MITF: variants seen among roughly 807,000 people sequenced by gnomAD.
The protein encoded by MITF is microphthalmia-associated transcription factor.
MITF carries 17 observed loss-of-function variants against 60.5 expected under a neutral mutation model. That is an observed-to-expected ratio of 0.28 (90% CI 0.19 to 0.42). The LOEUF is 0.42. MITF is among the 10% of genes least tolerant of loss of function. The probability of loss-of-function intolerance (pLI) is 1.00; values close to 1 mark genes in which losing one functional copy is unlikely to be tolerated. For missense variants in MITF, 622 were observed against 683.5 expected, an observed-to-expected ratio of 0.91 and a Z score of 1.00; for synonymous variants, 260 against 248.5, an observed-to-expected ratio of 1.05 and a Z score of -0.43.
At chr3:69,758,103 T>A (rs1229280080) in intron 1 of MITF, among the ~76,000 whole-genome samples, 4 of 142,928 alleles carry the variant, frequency 2.8e-5, no homozygotes, top group Non-Finnish European at 4.5e-5. Flanking sequence ...TATATATATA[T>A]AAATATATCA....
intron 1 of MITF, among the ~76,000 whole-genome samples, chr3:69,878,747 A>C: frequency 6.6e-6 from 1 of 152,206 alleles, no homozygotes; most frequent in Non-Finnish European, 1.5e-5. Flanking sequence ...TCAGTTATAC[A>C]AAAAAGCAAA....
intron 2 of MITF, among the ~76,000 whole-genome samples, chr3:69,918,552 C>T (rs975886270): frequency 5.3e-5 from 8 of 152,124 alleles, no homozygotes; most frequent in Non-Finnish European, 4.4e-5. Flanking sequence ...AATGAAGCCA[C>T]GATGCATCCT....
chr3:69,928,242 T>C (rs1448432411), intron 2 of MITF, among the ~76,000 whole-genome samples: 1 of 152,252 alleles, frequency 6.6e-6, no homozygotes, highest in Non-Finnish European at 1.5e-5. Flanking sequence ...CATTGCTGCA[T>C]GGGCAACATG....
intron 1 of MITF, among the ~76,000 whole-genome samples, chr3:69,827,111 C>A (rs1473119334): frequency 6.6e-6 from 1 of 152,180 alleles, no homozygotes; most frequent in South Asian, 2.1e-4. Context: ...TGCTCTTTGA[C>A]AGCCTCTCAC....
chr3:69,864,515 A>G (rs1422590762), intron 1 of MITF, among the ~76,000 whole-genome samples: 1 of 152,184 alleles, frequency 6.6e-6, no homozygotes. Context: ...CCCATGAGCT[A>G]CCATCACCTC....
At chr3:69,743,912 A>G (rs542298842) in intron 1 of MITF, among the ~76,000 whole-genome samples, 1 of 152,340 alleles carries the variant, frequency 6.6e-6, no homozygotes, top group Non-Finnish European at 1.5e-5. Context: ...CTCAGTCCAC[A>G]TGGCTTTGTA....
rs1369883075 is a variant in MITF, at chr3:69,739,583, CG to C, written c.-12del. The C allele has an allele frequency of 6.4e-7, 1 of 1,559,488 alleles. No homozygotes were observed. On this transcript the variant is annotated 5_prime_UTR_variant, in exon 1 of 10. Coordinates refer to ENST00000352241, the MANE Select transcript of MITF (RefSeq NM_001354604.2). ...TTCTCACTTTCCAGCAGTGGAAGGA[CG>C]GGAAGCGGGAGCCATGCAGTCCGAA...
At chr3:69,953,678 GAGAGAGAGAGAC>G (rs1260145870) in intron 7 of MITF, among the ~76,000 whole-genome samples, 5 of 147,388 alleles carry the variant, frequency 3.4e-5, no homozygotes, top group Non-Finnish European at 7.5e-5. Context: ...GAGAGAGAGA[GAGAGAGAGAGAC>G]AGAGACAGAG....
At chr3:69,744,345 AT>A (rs372155531) in intron 1 of MITF, among the ~76,000 whole-genome samples, 2 of 120,944 alleles carry the variant, frequency 1.7e-5, no homozygotes, top group African/African-American at 2.9e-5. Flanking sequence ...AGTTTTCTTG[AT>A]TTTTTTTTTG....
At chr3:69,832,011 C>G (rs1427057088) in intron 1 of MITF, among the ~76,000 whole-genome samples, 1 of 152,190 alleles carries the variant, frequency 6.6e-6, no homozygotes, top group Non-Finnish European at 1.5e-5. Context: ...CTTCCATCCA[C>G]AATGCTCAGA....
At chr3:69,819,091 G>A (rs1559649920) in intron 1 of MITF, among the ~76,000 whole-genome samples, 1 of 152,164 alleles carries the variant, frequency 6.6e-6, no homozygotes, top group Admixed American at 6.5e-5. Context: ...AACTATAGTT[G>A]TTGAGTTGAA....
At position 69,779,223 on chromosome 3, in the gene MITF, C is replaced by T. The variant is rs530351084; in HGVS notation, c.104+39522C>T. Among the ~76,000 whole-genome samples, 6 of 152,230 alleles carry T rather than the reference C, an allele frequency of 3.9e-5. No homozygotes were observed. The South Asian group carries it at 1.0e-3, about 26-fold the overall frequency. ...GAAAGAGACATCTCAAGGTGTACCC[C>T]GATGCTGTGTGATTTTCTTTAACTT... On this transcript the variant is annotated intron_variant, in intron 1 of 9. Transcript: ENST00000352241.
chr3:69,913,685 G>T (rs1215137022), intron 2 of MITF, among the ~76,000 whole-genome samples: 1 of 152,146 alleles, frequency 6.6e-6, no homozygotes, highest in Non-Finnish European at 1.5e-5. Flanking sequence ...GACAGGAAGG[G>T]AGAGCCAGGT....
intron 2 of MITF, among the ~76,000 whole-genome samples, chr3:69,930,083 G>T (rs887736418): frequency 6.6e-6 from 1 of 152,116 alleles, no homozygotes; most frequent in Non-Finnish European, 1.5e-5. Context: ...AGAAGACCGT[G>T]GGAGGAGCCA....
rs141467928 is a variant in MITF, at chr3:69,879,122, G to T, written c.105-12G>T. Reference sequence around the variant, plus strand: ...GAAACTAAATGTTGTATGCATTTTGGTTTTCCCACAGCAGTTCCGCCGAGC... The same window carrying T: ...GAAACTAAATGTTGTATGCATTTTGTTTTTCCCACAGCAGTTCCGCCGAGC... On this transcript the variant is annotated splice_polypyrimidine_tract_variant and intron_variant, in intron 1 of 9. Transcript: ENST00000352241. 7 of 1,613,574 alleles carry T rather than the reference G, an allele frequency of 4.3e-6. No homozygotes were observed. Among genetic ancestry groups the T allele is most frequent in the South Asian group, 3.3e-5 (3 of 91,044 alleles).
intron 7 of MITF, among the ~76,000 whole-genome samples, chr3:69,953,729 A>C (rs867856863): frequency 1.9e-4 from 29 of 151,090 alleles, no homozygotes; most frequent in African/African-American, 6.6e-4. Flanking sequence ...AGAGAGAGAG[A>C]GCGCCCCTGT....
At chr3:69,946,990 T>G (rs1187567892) in intron 5 of MITF, among the ~76,000 whole-genome samples, 1 of 152,138 alleles carries the variant, frequency 6.6e-6, no homozygotes, top group Admixed American at 6.6e-5. Context: ...TATCTCTTCT[T>G]TAGAATATAG....
At chr3:69,779,969 G>A (rs1324904185) in intron 1 of MITF, among the ~76,000 whole-genome samples, 2 of 152,116 alleles carry the variant, frequency 1.3e-5, no homozygotes, top group Non-Finnish European at 2.9e-5. Flanking sequence ...GGAGGCTCTT[G>A]CAATAATCTG....
intron 1 of MITF, among the ~76,000 whole-genome samples, chr3:69,809,091 T>C (rs1291464406): frequency 6.6e-6 from 1 of 152,086 alleles, no homozygotes; most frequent in Non-Finnish European, 1.5e-5. Flanking sequence ...ACTTAAGAGT[T>C]TGGAAACAGA....
Sources: allele counts gnomAD v4.1 joint callset (sites outside exome capture counted in the v4.1 genomes callset), GRCh38; gene constraint gnomAD v4.1.1; transcripts MANE v1.5; gene names NCBI Gene and HGNC (gene_info 2026-07-23, HGNC 2026-07-21).